ISLR2: variants seen among roughly 807,000 people sequenced by gnomAD.
The protein encoded by ISLR2 is immunoglobulin superfamily containing leucine-rich repeat protein 2.
ISLR2 carries 16 observed loss-of-function variants against 25.5 expected under a neutral mutation model. The observed-to-expected ratio is 0.63, with a 90% CI of 0.43 to 0.95. The LOEUF is 0.95. Ranked by LOEUF, ISLR2 falls within the 40% of genes least tolerant of loss-of-function variation. The pLI is 0.00. For missense variants in ISLR2, 883 were observed against 1,030.7 expected, an observed-to-expected ratio of 0.86 and a Z score of 1.96; for synonymous variants, 508 against 486.6, an observed-to-expected ratio of 1.04 and a Z score of -0.58.
chr15:74,104,391 C>T (rs2072104187), intron 2 of ISLR2, among the ~76,000 whole-genome samples: 1 of 152,216 alleles, frequency 6.6e-6, no homozygotes, highest in African/African-American at 2.4e-5. Context: ...ACAAATAAAA[C>T]ATGGGAAATC....
chr15:74,110,546 G>T (rs2072157258), intron 2 of ISLR2, among the ~76,000 whole-genome samples: 1 of 152,048 alleles, frequency 6.6e-6, no homozygotes, highest in South Asian at 2.1e-4. Context: ...GACCAGGCAC[G>T]GTGGCTCACG....
upstream of ISLR2, chr15:74,129,118 C>G (rs916603061): frequency 7.7e-5 from 35 of 452,758 alleles, no homozygotes; most frequent in African/African-American, 6.4e-4. This position sits in a 1 kb window ranked among gnomAD's most constrained non-coding sequence, Gnocchi z 4.5. Flanking sequence ...ACTCCAGGCC[C>G]GAGCAGGCGG....
At position 74,134,712 on chromosome 15, in the gene ISLR2, A is replaced by T; in HGVS notation, c.1958A>T (p.Glu653Val). Reference sequence around the variant, plus strand: ...TTCGACCCGCGTGCTTCGTACCTCGAGTCCGAGAAAAGCTACCCGGCAGGC... The same window carrying T: ...TTCGACCCGCGTGCTTCGTACCTCGTGTCCGAGAAAAGCTACCCGGCAGGC... ...ADFDPRASYL[E>V]SEKSYPAGGE... is the part of the protein sequence containing the mutation. The change falls in exon 3 of 3, where the codon GAG (glutamate) becomes GTG (valine). Residue 653 changes from glutamate to valine, a missense_variant. Physicochemically the swap from Glu to Val is moderately radical, Grantham distance 121. Coordinates refer to ENST00000453268, the MANE Select transcript of ISLR2 (RefSeq NM_020851.3). The T allele has an allele frequency of 6.2e-7, 1 of 1,614,078 alleles. No homozygotes were observed. The highest frequency in any genetic ancestry group is 8.5e-7 in the Non-Finnish European group (1 of 1,180,000).
chr15:74,126,896 T>TTGTGTGTGTGTGTG (rs56301942), upstream of ISLR2: 7 of 122,390 alleles, frequency 5.7e-5, no homozygotes, highest in Admixed American at 2.5e-4. Flanking sequence ...GAGAGAACAT[T>TTGTGTGTGTGTGTG]TGTGTGTGTG....
At chr15:74,113,399 C>T (rs1034634119) in intron 2 of ISLR2, among the ~76,000 whole-genome samples, 9 of 152,232 alleles carry the variant, frequency 5.9e-5, no homozygotes, top group African/African-American at 2.2e-4. Context: ...GATCTACCTG[C>T]CTTGGCCTCC....
Position 74,101,966 on chromosome 15 carries a change from GCA to G in ISLR2, n.159+1499_159+1500del, listed in dbSNP as rs1266361676. Among the ~76,000 whole-genome samples the G allele has an allele frequency of 8.2e-5, 11 of 133,552 alleles. No homozygotes were observed. In the Admixed American group the frequency reaches 8.6e-4, roughly 10 times the overall value. 87.6% of individuals were successfully genotyped at this position (133,552 alleles called of 152,430 possible). ...GCGGTGGCTCATGCCTGTAATCCTA[GCA>G]CTTTGGGAGGCCGAGGCAGGCAGAT... is the stretch of plus-strand genomic sequence containing the variant. On this transcript the variant is annotated intron_variant and non_coding_transcript_variant, in intron 1 of 3. Transcript: ENST00000561975.
At chr15:74,125,371 A>C (rs2072286773), upstream of ISLR2, among the ~76,000 whole-genome samples, 1 of 152,020 alleles carries the variant, frequency 6.6e-6, no homozygotes, top group South Asian at 2.1e-4. Flanking sequence ...CCTCCAGAGT[A>C]GCTGGGACCA....
At chr15:74,129,072 G>T (rs1006370905), upstream of ISLR2, 6 of 456,366 alleles carry the variant, frequency 1.3e-5, no homozygotes, top group African/African-American at 4.0e-5. The surrounding 1 kb of genome is among the most constrained non-coding windows in gnomAD (Gnocchi z 4.5). Flanking sequence ...TCCCTGAAAG[G>T]CGCCTTGCGC....
chr15:74,106,047 C>T (rs1471198323), intron 2 of ISLR2, among the ~76,000 whole-genome samples: 1 of 152,100 alleles, frequency 6.6e-6, no homozygotes, highest in Non-Finnish European at 1.5e-5. Context: ...GATTTAAAAC[C>T]GGGCTCCATG....
At position 74,135,059 on chromosome 15, in the gene ISLR2, G is replaced by A. The variant is rs2072540224; in HGVS notation, c.*67G>A. 5.2e-6 allele frequency: 8 copies of A among 1,552,612 alleles called. No homozygotes were observed. The South Asian group carries it at 9.7e-5, about 19-fold the overall frequency. ...GGGTGCCTGGGAGCAGCAGTCTAGG[G>A]CTGGCAGGACTTATGTCCCCCGTCC... On this transcript the variant is annotated 3_prime_UTR_variant, in exon 3 of 3. Coordinates refer to ENST00000453268, the MANE Select transcript of ISLR2 (RefSeq NM_020851.3).
chr15:74,131,761 C>T (rs1379139351), intron 2 of ISLR2: 1 of 152,300 alleles, frequency 6.6e-6, no homozygotes, highest in Non-Finnish European at 1.5e-5. Flanking sequence ...TCCCAACACA[C>T]CTGGTCCAAA....
chr15:74,137,381 C>G (rs1028802683), downstream of ISLR2, among the ~76,000 whole-genome samples: 9 of 152,174 alleles, frequency 5.9e-5, no homozygotes, highest in Non-Finnish European at 1.3e-4. Context: ...TTGCCCAGAG[C>G]GAGCCGGCAC....
At position 74,135,082 on chromosome 15, in the gene ISLR2, T is replaced by C; in HGVS notation, c.*90T>C. The C allele has an allele frequency of 6.8e-7, 1 of 1,466,106 alleles. No homozygotes were observed. The highest frequency in any genetic ancestry group is 9.3e-7 in the Non-Finnish European group (1 of 1,078,244). 90.8% of individuals were successfully genotyped at this position (1,466,106 alleles called of 1,614,324 possible). ...GGGCTGGCAGGACTTATGTCCCCCGTCCCCAACCTTCACCTACTCCTCCCC... is the reference window on the plus strand; with the variant it reads ...GGGCTGGCAGGACTTATGTCCCCCGCCCCCAACCTTCACCTACTCCTCCCC... On this transcript the variant is annotated 3_prime_UTR_variant, in exon 3 of 3. Coordinates refer to ENST00000453268, the MANE Select transcript of ISLR2 (RefSeq NM_020851.3).
chr15:74,133,607 C>T lies in ISLR2; in HGVS notation c.853C>T (p.Pro285Ser). 1.2e-6 allele frequency: 2 copies of T among 1,614,074 alleles called. No homozygotes were observed. The highest frequency in any genetic ancestry group is 1.3e-5 in the African/African-American group (1 of 75,068). ...QIPGGTVVLE[P>S]PVLSGEDDGV... ...CCCCGGTGGCACCGTAGTCTTAGAG[C>T]CACCGGTTCTGAGCGGGGAGGACGA... The change falls in exon 3 of 3, where the codon CCA becomes TCA. Residue 285 changes from proline to serine, a missense_variant. Pro to Ser is a moderately conservative substitution (Grantham distance 74, BLOSUM62 -1). This residue lies in a region of ISLR2 where 612 missense variants were observed against 642.8 expected (regional missense o/e 0.95). Coordinates refer to ENST00000453268, the MANE Select transcript of ISLR2 (RefSeq NM_020851.3).
In ISLR2 at chr15:74,133,597, A is replaced by C; in HGVS notation, c.843A>C (p.Val281=). ...QWQLQIPGGT[V]VLEPPVLSGE... ...AACTTCAGATCCCCGGTGGCACCGT[A>C]GTCTTAGAGCCACCGGTTCTGAGCG... Residue 281 remains valine (V), a synonymous_variant, in exon 3 of 3, where the codon GTA becomes GTC. Transcript: ENST00000453268. The C allele has an allele frequency of 6.2e-7, 1 of 1,614,116 alleles. No homozygotes were observed. Among genetic ancestry groups the C allele is most frequent in the Non-Finnish European group, 8.5e-7 (1 of 1,179,994 alleles).
At chr15:74,119,167 C>T (rs1052737173) in intron 2 of ISLR2, among the ~76,000 whole-genome samples, 1 of 152,048 alleles carries the variant, frequency 6.6e-6, no homozygotes, top group African/African-American at 2.4e-5. Flanking sequence ...ATTATAGTCA[C>T]CCAATAGTGC....
intron 2 of ISLR2, among the ~76,000 whole-genome samples, chr15:74,120,655 A>G (rs953589058): frequency 3.3e-5 from 5 of 151,968 alleles, no homozygotes; most frequent in Non-Finnish European, 7.4e-5. Context: ...TGTGGAAGTT[A>G]AAAGATAGGC....
At position 74,132,790 on chromosome 15, in the gene ISLR2, G is replaced by C. The variant is rs762380217; in HGVS notation, c.36G>C (p.Ala12=). Residue 12 remains alanine, a synonymous_variant, in exon 3 of 3, where the codon GCG becomes GCC. Transcript: ENST00000453268. This position sits in a 1 kb window ranked among gnomAD's most constrained non-coding sequence, Gnocchi z 4.3. The part of the protein sequence containing the change: ...FPLRALWLVW[A]LLGVAGSCPE... ...TTCGGGCCCTGTGGTTGGTCTGGGCGCTTCTAGGAGTGGCCGGATCATGCC... is the reference window on the plus strand; with the variant it reads ...TTCGGGCCCTGTGGTTGGTCTGGGCCCTTCTAGGAGTGGCCGGATCATGCC... The C allele has an allele frequency of 8.7e-6, 14 of 1,613,372 alleles. No homozygotes were observed. In the East Asian group the frequency reaches 2.2e-4, roughly 26 times the overall value.
At chr15:74,131,398 G>A (rs1200145569) in intron 2 of ISLR2, 82 bp downstream of exon 2, 1 of 152,904 alleles carries the variant, frequency 6.5e-6, no homozygotes, top group South Asian at 2.1e-4. Flanking sequence ...TGCGGGGCTG[G>A]TGGGGGTGCT....
Sources: gnomAD v4.1 joint callset for allele counts (sites outside exome capture counted in the v4.1 genomes callset) on GRCh38, gnomAD v4.1.1 for gene constraint, gnomAD v4.1.1 regional missense constraint, Gnocchi (gnomAD v3.1) non-coding constraint, MANE v1.5 for transcripts, NCBI Gene and HGNC (gene_info 2026-07-23, HGNC 2026-07-21) for gene names.